Variants in ATF6 observed in about 807,000 individuals in gnomAD.
ATF6 encodes the protein activating transcription factor 6.
ATF6 carries 53 observed loss-of-function variants against 83.6 expected under a neutral mutation model. The observed-to-expected ratio is 0.63, with a 90% confidence interval of 0.51 to 0.80. The LOEUF is 0.80. Ranked by LOEUF, ATF6 falls within the 30% of genes least tolerant of loss-of-function variation. The probability of loss-of-function intolerance (pLI) is 0.00; values close to 1 mark genes in which losing one functional copy is unlikely to be tolerated. For missense variants in ATF6, 744 were observed against 797.9 expected (o/e 0.93, Z 0.81); for synonymous variants, 288 against 285.8 (o/e 1.01, Z -0.08).
intron 14 of ATF6, among the ~76,000 whole-genome samples, chr1:161,867,294 C>G (rs992585020): frequency 7.0e-6 from 1 of 143,078 alleles, no homozygotes; most frequent in Non-Finnish European, 1.5e-5. Context: ...GACTCCATCT[C>G]AAAAAAAAAA....
intron 9 of ATF6, among the ~76,000 whole-genome samples, chr1:161,831,429 G>C (rs536630454): frequency 6.6e-6 from 1 of 152,276 alleles, no homozygotes; most frequent in Non-Finnish European, 1.5e-5. Flanking sequence ...ATTTGACCCA[G>C]CCATCCCATT....
intron 15 of ATF6, among the ~76,000 whole-genome samples, chr1:161,914,027 A>G (rs1688042659): frequency 6.6e-6 from 1 of 152,220 alleles, no homozygotes; most frequent in African/African-American, 2.4e-5. Flanking sequence ...TGGATTTGGA[A>G]AAATCCAGTC....
intron 15 of ATF6, among the ~76,000 whole-genome samples, chr1:161,938,841 T>A (rs750001739): frequency 6.6e-6 from 1 of 152,232 alleles, no homozygotes; most frequent in East Asian, 1.9e-4. Context: ...TCTTGCTTTT[T>A]AGTAAAACTT....
At chr1:161,793,795 G>T (rs1358425664) in intron 6 of ATF6, among the ~76,000 whole-genome samples, 2 of 152,206 alleles carry the variant, frequency 1.3e-5, no homozygotes, top group East Asian at 1.9e-4. Flanking sequence ...CAGTTTATCA[G>T]TTCCAGAAAC....
At chr1:161,769,415 C>T (rs963174199) in intron 1 of ATF6, among the ~76,000 whole-genome samples, 1 of 152,144 alleles carries the variant, frequency 6.6e-6, no homozygotes, top group African/African-American at 2.4e-5. Context: ...TTATTATTAA[C>T]TAAGCCCATC....
chr1:161,928,663 T>C (rs1558029394), intron 15 of ATF6, among the ~76,000 whole-genome samples: 1 of 152,082 alleles, frequency 6.6e-6, no homozygotes, highest in Non-Finnish European at 1.5e-5. Context: ...TAAATGTCAG[T>C]CACTTTCTTA....
At chr1:161,805,709 A>G (rs367897571) in intron 7 of ATF6, among the ~76,000 whole-genome samples, 68 of 152,116 alleles carry the variant, frequency 4.5e-4, no homozygotes, top group African/African-American at 1.6e-3. Context: ...ATTAGGATAA[A>G]TTAATATAAA....
In ATF6 at chr1:161,958,342, G is replaced by A. The variant is rs1689009449; in HGVS notation, c.1805-104G>A. 8 of 1,184,650 alleles carry A rather than the reference G, an allele frequency of 6.8e-6. No individual in the cohort carries two copies. In the Admixed American group the frequency reaches 1.8e-4, roughly 26 times the overall value. 73.4% of individuals were successfully genotyped at this position (1,184,650 alleles called of 1,614,324 possible). On this transcript the variant is annotated intron_variant, in intron 15 of 15. Coordinates refer to ENST00000367942, the MANE Select transcript of ATF6 (RefSeq NM_007348.4). ...TGCACCCCTTGAAAGTTTACTGACA[G>A]TTCACACCCTTAAAGCACATTTCTG... is the stretch of plus-strand genomic sequence containing the variant.
At chr1:161,898,536 T>G (rs192289087) in intron 14 of ATF6, among the ~76,000 whole-genome samples, 75 of 151,880 alleles carry the variant, frequency 4.9e-4, no homozygotes, top group South Asian at 3.1e-3. Flanking sequence ...GTGTGTGTGT[T>G]TTTTTTGTTT....
chr1:161,846,512 C>G lies in ATF6; in HGVS notation c.1251C>G (p.His417Gln). The change falls in exon 10 of 16, where the codon CAC (histidine) becomes CAG (glutamine). Residue 417 changes from histidine (H) to glutamine (Q), a missense_variant. Physicochemically the swap from His to Gln is conservative, Grantham distance 24. Coordinates refer to ENST00000367942, the MANE Select transcript of ATF6 (RefSeq NM_007348.4). ...TGAGCCCTGCAAATCAAAGGAGGCA[C>G]CTTCTAGGATTTTCTGCTAAAGAGG... ...PSVSPANQRRHLLGFSAKEAQ... is the reference protein window; with the variant it reads ...PSVSPANQRRQLLGFSAKEAQ... 1.2e-6 allele frequency: 2 copies of G among 1,611,640 alleles called. No individual in the cohort carries two copies. Among genetic ancestry groups the G allele is most frequent in the Non-Finnish European group, 1.7e-6 (2 of 1,178,572 alleles).
At chr1:161,797,478 A>G (rs2101749012) in intron 6 of ATF6, among the ~76,000 whole-genome samples, 1 of 152,336 alleles carries the variant, frequency 6.6e-6, no homozygotes, top group South Asian at 2.1e-4. Flanking sequence ...AAGTTTTAGG[A>G]TACAAAATCA....
chr1:161,812,366 A>ATTTTTTTTTTTTTT (rs76880363), intron 7 of ATF6, among the ~76,000 whole-genome samples: 1 of 37,536 alleles, frequency 2.7e-5, no homozygotes, highest in African/African-American at 8.6e-5. Context: ...GGGAGCAGGT[A>ATTTTTTTTTTTTTT]TTTTCTTTTT....
At chr1:161,803,968 G>A (rs369189660) in intron 7 of ATF6, among the ~76,000 whole-genome samples, 1 of 150,442 alleles carries the variant, frequency 6.6e-6, no homozygotes, top group African/African-American at 2.4e-5. Flanking sequence ...CATTAGGTAT[G>A]TCTCCCAGTG....
chr1:161,941,004 A>G (rs969778487), intron 15 of ATF6, among the ~76,000 whole-genome samples: 2 of 152,202 alleles, frequency 1.3e-5, no homozygotes, highest in African/African-American at 4.8e-5. Flanking sequence ...CCTAGATGCA[A>G]GTGCCTTGGT....
Position 161,945,902 on chromosome 1 carries a change from C to G in ATF6, c.1805-12544C>G, listed in dbSNP as rs1333625874. ...CCACCCTGGGACATTCAGCCCTTGG[C>G]CACCTGCTTTGATGAGCACATTTCT... On this transcript the variant is annotated intron_variant, in intron 15 of 15. Transcript: ENST00000367942. Among the ~76,000 whole-genome samples, 3 of 152,182 alleles carry G rather than the reference C, an allele frequency of 2.0e-5. 1 individual carries two copies. The highest frequency in any genetic ancestry group is 2.0e-4 in the Admixed American group (3 of 15,284).
intron 7 of ATF6, among the ~76,000 whole-genome samples, chr1:161,808,689 C>T (rs1285113454): frequency 1.3e-5 from 2 of 152,030 alleles, no homozygotes; most frequent in Non-Finnish European, 2.9e-5. Flanking sequence ...CCTCCTGCCT[C>T]AGGCTCCTGA....
intron 11 of ATF6, among the ~76,000 whole-genome samples, chr1:161,852,059 A>G (rs1686644158): frequency 6.6e-6 from 1 of 152,220 alleles, no homozygotes. Flanking sequence ...GTCTTCTTTA[A>G]AAACTACAGA....
intron 7 of ATF6, among the ~76,000 whole-genome samples, chr1:161,811,368 T>C (rs2101769288): frequency 6.6e-6 from 1 of 152,328 alleles, no homozygotes; most frequent in South Asian, 2.1e-4. Context: ...TAAAGTGTTA[T>C]GGTTAGACTT....
intron 11 of ATF6, 29 bp from the exon 12 acceptor site, chr1:161,853,195 T>C (rs202088315): frequency 5.3e-5 from 73 of 1,372,964 alleles, no homozygotes; most frequent in Non-Finnish European, 7.0e-5. Context: ...TTAATTTCTA[T>C]GTTTAATTAA....
Sources: allele counts gnomAD v4.1 joint callset (sites outside exome capture counted in the v4.1 genomes callset), GRCh38; gene constraint gnomAD v4.1.1; transcripts MANE v1.5; gene names NCBI Gene and HGNC (gene_info 2026-07-23, HGNC 2026-07-21).